PDE8A: variants seen among roughly 807,000 people sequenced by gnomAD.
The protein encoded by PDE8A is phosphodiesterase 8A, also known as high affinity cAMP-specific and IBMX-insensitive 3',5'-cyclic phosphodiesterase 8A.
A neutral mutation model predicts 105.0 loss-of-function variants in PDE8A; 59 were observed. That is an observed-to-expected ratio of 0.56 (90% CI 0.46 to 0.70). PDE8A has a LOEUF of 0.70. PDE8A is among the 30% of genes least tolerant of loss of function. PDE8A has a pLI of 0.00. For missense variants in PDE8A, 1,014 were observed against 1,045.9 expected (o/e 0.97, Z 0.42); for synonymous variants, 355 against 371.9 (o/e 0.95, Z 0.52).
At chr15:85,019,947 T>G (rs866474686) in intron 1 of PDE8A, among the ~76,000 whole-genome samples, 88 of 89,178 alleles carry the variant, frequency 9.9e-4, no homozygotes, top group African/African-American at 3.9e-3. Context: ...TTTTTGGTTT[T>G]TTTTTTTTTT....
intron 8 of PDE8A, 66 bp from the exon 9 acceptor site, chr15:85,097,882 G>A: frequency 1.1e-6 from 1 of 892,416 alleles, no homozygotes; most frequent in East Asian, 2.4e-5. Flanking sequence ...CAGAACTGAA[G>A]TGGAAAATGT....
chr15:85,049,115 T>C (rs545013852), intron 1 of PDE8A, among the ~76,000 whole-genome samples: 4 of 151,972 alleles, frequency 2.6e-5, no homozygotes, highest in Middle Eastern at 3.2e-3. Flanking sequence ...AAATAAAAAA[T>C]AAAATAAAAA....
chr15:84,992,468 A>G (rs773486916), intron 1 of PDE8A, among the ~76,000 whole-genome samples: 4 of 152,226 alleles, frequency 2.6e-5, no homozygotes, highest in Non-Finnish European at 5.9e-5. Flanking sequence ...AGTCCATCCT[A>G]TAAACCTCAG....
Position 85,067,029 on chromosome 15 carries a change from A to C in PDE8A, c.259A>C (p.Thr87Pro). 1 of 1,603,794 alleles carries C rather than the reference A, an allele frequency of 6.2e-7. No homozygotes were observed. Among genetic ancestry groups the C allele is most frequent in the Non-Finnish European group, 8.5e-7 (1 of 1,176,042 alleles). The change falls in exon 3 of 22, where the codon ACC becomes CCC. Residue 87 changes from threonine to proline, a missense_variant. By Grantham distance (38) the Thr-to-Pro change is conservative. Transcript: ENST00000394553. ...TTTGATTCAGGTACTTTTAGTGTTT[A>C]CCAAAGAAGATAACCAATGTAATGG... is the stretch of plus-strand genomic sequence containing the variant. Reference protein sequence around the residue: ...QDQLQVLLVFTKEDNQCNGFC... With the variant: ...QDQLQVLLVFPKEDNQCNGFC...
upstream of PDE8A, among the ~76,000 whole-genome samples, chr15:84,981,760 C>T (rs867509741): frequency 1.3e-3 from 194 of 151,232 alleles, no homozygotes; most frequent in African/African-American, 4.5e-3. Flanking sequence ...GGGGTCGTGC[C>T]GCAGCTCGGC....
At chr15:85,094,730 T>C (rs1172027085) in intron 8 of PDE8A, among the ~76,000 whole-genome samples, 1 of 152,150 alleles carries the variant, frequency 6.6e-6, no homozygotes, top group Admixed American at 6.5e-5. Flanking sequence ...GTTAAACCCC[T>C]GTTTTGAGGG....
chr15:85,055,704 C>T (rs1001628785), intron 1 of PDE8A, among the ~76,000 whole-genome samples: 2 of 152,146 alleles, frequency 1.3e-5, no homozygotes, highest in Admixed American at 1.3e-4. Context: ...CTGTGTGTGT[C>T]TCTGCATGTG....
In PDE8A at chr15:85,113,419, C is replaced by T; in HGVS notation, c.1157C>T (p.Ser386Phe). Residue 386 changes from serine (S) to phenylalanine (F), a missense_variant, in exon 13 of 22, where the codon TCC (serine) becomes TTC (phenylalanine). By Grantham distance (155) the Ser-to-Phe change is radical. Transcript: ENST00000394553. ...RRHSSMARIH[S>F]MTIEAPITKV... ...CACTCTTCCATGGCCCGGATACATT[C>T]CATGACAATTGAGGCGCCCATCACC... 1 of 1,614,130 alleles carries T rather than the reference C, an allele frequency of 6.2e-7. No homozygotes were observed. The highest frequency in any genetic ancestry group is 8.5e-7 in the Non-Finnish European group (1 of 1,179,958).
chr15:85,089,652 G>C (rs946831073), intron 7 of PDE8A, among the ~76,000 whole-genome samples: 6 of 152,110 alleles, frequency 3.9e-5, no homozygotes, highest in Non-Finnish European at 7.4e-5. Context: ...TGCCACATTT[G>C]CATTCATTAT....
intron 19 of PDE8A, among the ~76,000 whole-genome samples, chr15:85,123,978 T>C (rs2082222367): frequency 6.6e-6 from 1 of 152,138 alleles, no homozygotes. Flanking sequence ...TTGGAGCCCT[T>C]GATATATCTT....
At chr15:85,038,023 C>T (rs1028880004) in intron 1 of PDE8A, among the ~76,000 whole-genome samples, 16 of 152,288 alleles carry the variant, frequency 1.1e-4, no homozygotes, top group African/African-American at 2.2e-4. Context: ...ATATTTGTTA[C>T]GTTTTACAAA....
chr15:85,080,083 C>A (rs927491840), intron 5 of PDE8A, among the ~76,000 whole-genome samples: 1 of 152,028 alleles, frequency 6.6e-6, no homozygotes, highest in East Asian at 1.9e-4. Flanking sequence ...CAAGTAAATG[C>A]AGACAAAAAG....
At chr15:85,043,704 G>GT (rs1318470855) in intron 1 of PDE8A, among the ~76,000 whole-genome samples, 3 of 107,180 alleles carry the variant, frequency 2.8e-5, no homozygotes, top group African/African-American at 1.0e-4. Context: ...TTGTTTGTTT[G>GT]TTTGTTTTTT....
chr15:85,118,824 A>G (rs1339333013), intron 17 of PDE8A, among the ~76,000 whole-genome samples: 1 of 152,262 alleles, frequency 6.6e-6, no homozygotes. Flanking sequence ...GTATCACGGG[A>G]CTAGCATTTG....
At chr15:85,079,868 G>A (rs978879028) in intron 5 of PDE8A, among the ~76,000 whole-genome samples, 2 of 151,842 alleles carry the variant, frequency 1.3e-5, no homozygotes, top group Non-Finnish European at 2.9e-5. Context: ...AGCTGAGATT[G>A]CACCACTGCA....
chr15:85,090,176 G>A (rs920309052), intron 7 of PDE8A, among the ~76,000 whole-genome samples: 3 of 152,302 alleles, frequency 2.0e-5, no homozygotes, highest in Middle Eastern at 3.4e-3. Context: ...GGTGTCAGAC[G>A]GGCCTGGGCT....
chr15:85,026,396 A>G (rs1156937405), intron 1 of PDE8A, among the ~76,000 whole-genome samples: 6 of 152,130 alleles, frequency 3.9e-5, no homozygotes, highest in Admixed American at 6.5e-5. Context: ...TAGACTCTCC[A>G]TGTGGTCTGG....
At chr15:85,043,238 G>A (rs2080837605) in intron 1 of PDE8A, among the ~76,000 whole-genome samples, 2 of 152,184 alleles carry the variant, frequency 1.3e-5, no homozygotes, top group South Asian at 2.1e-4. Context: ...GCTGAATTCA[G>A]TTTTTCTTTA....
upstream of PDE8A, among the ~76,000 whole-genome samples, chr15:84,981,307 A>C (rs1448618721): frequency 6.6e-6 from 1 of 152,138 alleles, no homozygotes; most frequent in African/African-American, 2.4e-5. Context: ...GCTGCTTTGC[A>C]TTGACGCCAG....
Sources: allele counts gnomAD v4.1 joint callset (sites outside exome capture counted in the v4.1 genomes callset), GRCh38; gene constraint gnomAD v4.1.1; transcripts MANE v1.5; gene names NCBI Gene and HGNC (gene_info 2026-07-23, HGNC 2026-07-21).